The following GNAO1 variants were observed in gnomAD, a reference collection of about 807,000 sequenced individuals.
GNAO1 encodes guanine nucleotide-binding protein G(o) subunit alpha.
For missense variants in GNAO1, 166 were observed against 478.7 expected, an observed-to-expected ratio of 0.35 and a Z score of 6.10; for synonymous variants, 164 against 180.7, an observed-to-expected ratio of 0.91 and a Z score of 0.74.
chr16:56,316,741 C>CGGGCA (rs2143619659), intron 3 of GNAO1, among the ~76,000 whole-genome samples: 1 of 152,304 alleles, frequency 6.6e-6, no homozygotes, highest in Admixed American at 6.5e-5. Context: ...ACTGCAGGCA[C>CGGGCA]GGGCAGGGCA....
intron 2 of GNAO1, among the ~76,000 whole-genome samples, chr16:56,220,801 G>A (rs375123430): frequency 6.6e-6 from 1 of 152,112 alleles, no homozygotes; most frequent in Non-Finnish European, 1.5e-5. Context: ...AGGCTGGAGT[G>A]CAGTGGCACA....
intron 3 of GNAO1, among the ~76,000 whole-genome samples, chr16:56,278,330 G>A (rs917059000): frequency 6.6e-6 from 1 of 152,212 alleles, no homozygotes; most frequent in African/African-American, 2.4e-5. Context: ...GCTTCCTGGT[G>A]GGCAAAGGCC....
At chr16:56,238,782 A>G (rs564992360) in intron 2 of GNAO1, among the ~76,000 whole-genome samples, 1 of 152,376 alleles carries the variant, frequency 6.6e-6, no homozygotes, top group Admixed American at 6.5e-5. Flanking sequence ...GGATATACAG[A>G]CTTTAAAATG....
intron 3 of GNAO1, among the ~76,000 whole-genome samples, chr16:56,309,757 T>C (rs1161321041): frequency 6.6e-6 from 1 of 152,116 alleles, no homozygotes; most frequent in Non-Finnish European, 1.5e-5. Context: ...TGCGTGCCGC[T>C]CTGCTCCCTC....
intron 6 of GNAO1, among the ~76,000 whole-genome samples, chr16:56,339,454 G>T: frequency 6.6e-6 from 1 of 152,260 alleles, no homozygotes. Flanking sequence ...TGGGAGCTCT[G>T]TCTGCCTCAG....
intron 3 of GNAO1, among the ~76,000 whole-genome samples, chr16:56,316,663 G>C (rs1053114297): frequency 1.3e-5 from 2 of 152,092 alleles, no homozygotes; most frequent in African/African-American, 4.8e-5. Context: ...CTGAGGCCCA[G>C]ACCCTGCCTC....
intron 3 of GNAO1, among the ~76,000 whole-genome samples, chr16:56,287,654 G>A (rs1196838196): frequency 6.6e-6 from 1 of 152,202 alleles, no homozygotes; most frequent in Non-Finnish European, 1.5e-5. Flanking sequence ...CAAAGGGTTG[G>A]TGTCAAGGCC....
At chr16:56,336,968 C>A in intron 6 of GNAO1, 108 bp downstream of exon 6, 2 of 1,073,654 alleles carry the variant, frequency 1.9e-6, no homozygotes, top group South Asian at 1.5e-5. Context: ...GCTCTGGGGT[C>A]CAGCCAGCTG....
chr16:56,245,154 T>G lies in GNAO1; in HGVS notation c.162-30777T>G, dbSNP rs182256407. Among the ~76,000 whole-genome samples, 4 of 152,264 alleles carry G rather than the reference T, an allele frequency of 2.6e-5. No homozygotes were observed. The East Asian group carries it at 7.7e-4, about 29-fold the overall frequency. ...TTTATAGATAAAAAAAAAAACTCTG[T>G]TAAAGATGCTTCATCTACCCTTGTT... On this transcript the variant is annotated intron_variant, in intron 2 of 8. Transcript: ENST00000262493.
At chr16:56,220,172 G>A (rs1277609662) in intron 2 of GNAO1, among the ~76,000 whole-genome samples, 1 of 152,128 alleles carries the variant, frequency 6.6e-6, no homozygotes, top group Admixed American at 6.5e-5. Flanking sequence ...ATCTGAGGTT[G>A]GAGGCAGGCT....
chr16:56,211,429 A>G lies in GNAO1; in HGVS notation c.161+18813A>G, dbSNP rs537753612. Among the ~76,000 whole-genome samples the G allele has an allele frequency of 2.6e-5, 4 of 152,206 alleles. No individual in the cohort carries two copies. The South Asian group carries it at 6.2e-4, about 24-fold the overall frequency. On this transcript the variant is annotated intron_variant, in intron 2 of 8. Transcript: ENST00000262493. ...CTCCCTGGGCCTCCTACCTCCAGCT[A>G]TGCCGTCCTCCAGGGTCCCCTCCCA...
chr16:56,353,877 C>A (rs944813743), intron 7 of GNAO1, among the ~76,000 whole-genome samples: 2 of 152,240 alleles, frequency 1.3e-5, no homozygotes, highest in African/African-American at 4.8e-5. Context: ...GCTGTCCCAA[C>A]CCCCTGCCCC....
intron 2 of GNAO1, among the ~76,000 whole-genome samples, chr16:56,199,631 T>A (rs2036264081): frequency 6.6e-6 from 1 of 152,250 alleles, no homozygotes; most frequent in South Asian, 2.1e-4. Flanking sequence ...TTGGCCACCC[T>A]GGGCCTCAAT....
At chr16:56,228,607 G>T (rs2036557125) in intron 2 of GNAO1, among the ~76,000 whole-genome samples, 1 of 152,182 alleles carries the variant, frequency 6.6e-6, no homozygotes. Context: ...TGCCGGCCCT[G>T]AGCCGGGACC....
chr16:56,345,794 G>A (rs2037861193), intron 6 of GNAO1: 1 of 985,472 alleles, frequency 1.0e-6, no homozygotes, highest in Admixed American at 6.1e-5. Flanking sequence ...CACCACGCTG[G>A]GTGAGGCCAG....
chr16:56,212,206 A>G (rs2036395619), intron 2 of GNAO1, among the ~76,000 whole-genome samples: 1 of 152,230 alleles, frequency 6.6e-6, no homozygotes, highest in South Asian at 2.1e-4. Context: ...TTGGAGGGAC[A>G]TTTACAAAAG....
intron 2 of GNAO1, among the ~76,000 whole-genome samples, chr16:56,248,525 G>A (rs1400689881): frequency 6.6e-6 from 1 of 152,182 alleles, no homozygotes; most frequent in East Asian, 1.9e-4. Context: ...CAGCTTCCAG[G>A]ATGGAAAGAG....
At chr16:56,299,207 G>T (rs1403846668) in intron 3 of GNAO1, among the ~76,000 whole-genome samples, 2 of 152,220 alleles carry the variant, frequency 1.3e-5, no homozygotes, top group Non-Finnish European at 2.9e-5. Flanking sequence ...CCATCCAGGT[G>T]AACATTCCTA....
chr16:56,308,240 C>T (rs1475779766), intron 3 of GNAO1: 1 of 152,216 alleles, frequency 6.6e-6, no homozygotes, highest in East Asian at 1.9e-4. Context: ...GCAGTTTTTA[C>T]AGACCAACAG....
Sources: allele counts gnomAD v4.1 joint callset (sites outside exome capture counted in the v4.1 genomes callset), GRCh38; gene constraint gnomAD v4.1.1; transcripts MANE v1.5; gene names NCBI Gene and HGNC (gene_info 2026-07-23, HGNC 2026-07-21).